TMEM266: variants seen among roughly 807,000 people sequenced by gnomAD.
TMEM266 encodes transmembrane protein 266, also known as Hv1 related protein 1.
Under a neutral mutation model 50.5 loss-of-function variants are expected in TMEM266, and 33 were observed. The observed-to-expected ratio is 0.65, with a 90% CI of 0.50 to 0.87. The LOEUF (loss-of-function observed/expected upper bound fraction) is 0.87. Among genes scored for constraint, TMEM266 ranks in the 40% least tolerant of loss-of-function variants. The probability of loss-of-function intolerance (pLI) is 0.00; values close to 1 mark genes in which losing one functional copy is unlikely to be tolerated. For missense variants in TMEM266, 655 were observed against 695.1 expected, an observed-to-expected ratio of 0.94 and a Z score of 0.65; for synonymous variants, 310 against 292.3, an observed-to-expected ratio of 1.06 and a Z score of -0.62.
At chr15:76,154,148 T>C (rs2037886863) in intron 3 of TMEM266, among the ~76,000 whole-genome samples, 1 of 152,224 alleles carries the variant, frequency 6.6e-6, no homozygotes, top group African/African-American at 2.4e-5. Flanking sequence ...CTTTACCAAA[T>C]AAGAATACAC....
chr15:76,165,048 G>A (rs1284095599), intron 5 of TMEM266, among the ~76,000 whole-genome samples: 4 of 152,254 alleles, frequency 2.6e-5, no homozygotes, highest in Non-Finnish European at 4.4e-5. Flanking sequence ...AGGGAAAGAC[G>A]CTGATTCTGC....
At chr15:76,110,201 C>T (rs897625173) in intron 1 of TMEM266, among the ~76,000 whole-genome samples, 3 of 151,750 alleles carry the variant, frequency 2.0e-5, no homozygotes, top group East Asian at 1.9e-4. Flanking sequence ...GATGGGGTTT[C>T]ACCATGTTGG....
intron 1 of TMEM266, among the ~76,000 whole-genome samples, chr15:76,074,622 G>T (rs1269817660): frequency 6.6e-6 from 1 of 152,088 alleles, no homozygotes; most frequent in African/African-American, 2.4e-5. Context: ...GGAGAATTTA[G>T]GGCCTTGTAG....
At chr15:76,079,604 A>G (rs2036654755) in intron 1 of TMEM266, among the ~76,000 whole-genome samples, 1 of 149,834 alleles carries the variant, frequency 6.7e-6, no homozygotes, top group East Asian at 2.0e-4. Flanking sequence ...CCTGGCCAAC[A>G]TGGTGAAACC....
At chr15:76,173,668 C>T (rs1234923625) in intron 7 of TMEM266, among the ~76,000 whole-genome samples, 1 of 152,180 alleles carries the variant, frequency 6.6e-6, no homozygotes, top group Non-Finnish European at 1.5e-5. Flanking sequence ...CATGGTGGCT[C>T]ATGCCTGTAA....
intron 8 of TMEM266, among the ~76,000 whole-genome samples, chr15:76,179,782 G>A (rs2038368124): frequency 6.6e-6 from 1 of 152,052 alleles, no homozygotes; most frequent in Admixed American, 6.6e-5. Context: ...AAATGTGTTA[G>A]GGTCCCAGTT....
intron 9 of TMEM266, among the ~76,000 whole-genome samples, chr15:76,193,967 T>C (rs1027595723): frequency 1.3e-5 from 2 of 152,186 alleles, no homozygotes; most frequent in African/African-American, 4.8e-5. Flanking sequence ...CACAACTGAA[T>C]GCAATTACTG....
At chr15:76,142,874 A>G (rs1303783255) in intron 3 of TMEM266, among the ~76,000 whole-genome samples, 1 of 152,190 alleles carries the variant, frequency 6.6e-6, no homozygotes, top group African/African-American at 2.4e-5. Flanking sequence ...ATGGCTGTGC[A>G]GACTGGGTGC....
chr15:76,200,589 C>A (rs1038142241), intron 9 of TMEM266, among the ~76,000 whole-genome samples: 2 of 152,186 alleles, frequency 1.3e-5, no homozygotes, highest in African/African-American at 4.8e-5. Context: ...CATCACATGG[C>A]CCTCTGGAGT....
At chr15:76,115,751 AT>A (rs150642540) in intron 1 of TMEM266, among the ~76,000 whole-genome samples, 1,528 of 152,220 alleles carry the variant, frequency 0.01, 24 homozygotes, top group African/African-American at 0.035. Flanking sequence ...CGCTTTTCGT[AT>A]TTGTGGCCAT....
intron 1 of TMEM266, among the ~76,000 whole-genome samples, chr15:76,094,503 G>A (rs2959841): frequency 0.53 from 79,813 of 151,836 alleles, 21,759 homozygotes; most frequent in Admixed American, 0.68. Context: ...GTACCATGCC[G>A]TTTTTGTTAC....
chr15:76,182,769 G>A (rs146041228), intron 8 of TMEM266, among the ~76,000 whole-genome samples: 201 of 152,310 alleles, frequency 1.3e-3, no homozygotes, highest in Non-Finnish European at 2.2e-3. Context: ...GGCAGGCTGG[G>A]TACTATTAAT....
intron 1 of TMEM266, among the ~76,000 whole-genome samples, chr15:76,109,490 T>G (rs920384596): frequency 6.6e-6 from 1 of 152,172 alleles, no homozygotes; most frequent in South Asian, 2.1e-4. Context: ...TTACACACTT[T>G]CTGGCACACT....
At chr15:76,082,322 C>T (rs767596404) in intron 1 of TMEM266, among the ~76,000 whole-genome samples, 23 of 152,152 alleles carry the variant, frequency 1.5e-4, no homozygotes, top group Non-Finnish European at 2.9e-4. Context: ...GCTCATGGTT[C>T]TGCATGACAC....
At chr15:76,091,960 C>T (rs2036854544) in intron 1 of TMEM266, among the ~76,000 whole-genome samples, 1 of 151,870 alleles carries the variant, frequency 6.6e-6, no homozygotes, top group Non-Finnish European at 1.5e-5. Flanking sequence ...CACTGCACTA[C>T]AGCCTGGCAA....
chr15:76,172,087 A>AG (rs1467978845), intron 7 of TMEM266, among the ~76,000 whole-genome samples: 7 of 152,190 alleles, frequency 4.6e-5, no homozygotes, highest in Non-Finnish European at 1.0e-4. Context: ...AGCCACTCAT[A>AG]GGGGGCTGGT....
At chr15:76,192,185 G>A in intron 9 of TMEM266, 28 bp downstream of exon 9, 1 of 1,389,720 alleles carries the variant, frequency 7.2e-7, no homozygotes, top group Non-Finnish European at 9.3e-7. Context: ...CCCGGCCCCA[G>A]AGTGTCACGG....
intron 4 of TMEM266, among the ~76,000 whole-genome samples, chr15:76,159,877 C>A (rs1407111713): frequency 6.6e-6 from 1 of 152,044 alleles, no homozygotes; most frequent in African/African-American, 2.4e-5. Flanking sequence ...GCGTCGGAGG[C>A]AAGAAGAACA....
intron 9 of TMEM266, among the ~76,000 whole-genome samples, chr15:76,193,741 ACT>A (rs1162972544): frequency 6.6e-6 from 1 of 152,142 alleles, no homozygotes; most frequent in Non-Finnish European, 1.5e-5. Flanking sequence ...CTCAGACTGC[ACT>A]GAGGCCTGGT....
Sources: allele counts gnomAD v4.1 joint callset (sites outside exome capture counted in the v4.1 genomes callset), GRCh38; gene constraint gnomAD v4.1.1; transcripts MANE v1.5; gene names NCBI Gene and HGNC (gene_info 2026-07-23, HGNC 2026-07-21).